MSH6: variants seen among roughly 807,000 people sequenced by gnomAD.
MSH6 encodes DNA mismatch repair protein Msh6.
In MSH6, 85 loss-of-function variants were observed where a neutral mutation model predicts 119.1. The ratio of observed to expected loss-of-function variants is 0.71; its 90% CI spans 0.60 to 0.85. The LOEUF (loss-of-function observed/expected upper bound fraction) is 0.85. MSH6 is among the 40% of genes least tolerant of loss of function. The probability of loss-of-function intolerance (pLI) is 0.00; values close to 1 mark genes in which losing one functional copy is unlikely to be tolerated. For missense variants in MSH6, 2,163 were observed against 1,655.3 expected (o/e 1.31, Z -5.32); for synonymous variants, 830 against 586.9 (o/e 1.41, Z -5.99).
In MSH6 at chr2:47,788,906, C is replaced by CTTTTTTTTTTTTTTTTTTTTTTT. The variant is rs1491155839; in HGVS notation, c.261-2021_261-2020insTTTTTTTTTTTTTTTTTTTTTTT. ...GCTATTTCTTTCTTTCTTTCTTCTT[C>CTTTTTTTTTTTTTTTTTTTTTTT]CTTTTTTTTTTTTTTGTTTTTTTTT... On this transcript the variant is annotated intron_variant, in intron 1 of 9. Transcript: ENST00000234420. Among the ~76,000 whole-genome samples the CTTTTTTTTTTTTTTTTTTTTTTT allele has an allele frequency of 1.3e-3, 20 of 15,818 alleles. 2 individuals carry two copies. Among genetic ancestry groups the CTTTTTTTTTTTTTTTTTTTTTTT allele is most frequent in the East Asian group, 3.8e-3 (3 of 796 alleles). The allele number at this position is 15,818 out of a possible 152,430, so 10.4% of individuals were successfully genotyped here. A position where few individuals can be genotyped will look rare whatever the true frequency, so the allele number is the denominator to read the frequency against.
rs75095286 is a variant in MSH6, at chr2:47,805,647, G to C, written c.3586G>C (p.Glu1196Gln). ...AAGTACATTTTTTGTTGAATTAAGT[G>C]AAACTGCCAGCATACTCATGCATGC... is the stretch of plus-strand genomic sequence containing the variant. ...GESTFFVELS[E>Q]TASILMHATA... The change falls in exon 7 of 10, where the codon GAA becomes CAA. Residue 1196 changes from glutamate (E) to glutamine (Q), a missense_variant. Transcript: ENST00000234420. 3 of 1,611,682 alleles carry C rather than the reference G, an allele frequency of 1.9e-6. No individual in the cohort carries two copies. In the African/African-American group the frequency reaches 4.0e-5, roughly 22 times the overall value.
In MSH6 at chr2:47,788,551, C is replaced by CCTTTTT. The variant is rs1160353451; in HGVS notation, c.261-2357_261-2352dup. ...TACAGGCGTGAGCCACCGTGCCCAGCCTTTTTCTTTTTCTTTTTCTTTTTT... is the reference window on the plus strand; with the variant it reads ...TACAGGCGTGAGCCACCGTGCCCAGCCTTTTTCTTTTTCTTTTTCTTTTTCTTTTTT... On this transcript the variant is annotated intron_variant, in intron 1 of 9. Coordinates refer to ENST00000234420, the MANE Select transcript of MSH6 (RefSeq NM_000179.3). 1.7e-3 allele frequency among the ~76,000 whole-genome samples: 243 copies of CCTTTTT among 145,826 alleles called. 1 individual carries two copies. Among genetic ancestry groups the CCTTTTT allele is most frequent in the Non-Finnish European group, 3.1e-3 (209 of 66,800 alleles).
rs201996928 is a variant in MSH6 at position 47,799,601 on chromosome 2, C to G, written c.1618C>G (p.Leu540Val). 2.5e-6 allele frequency: 4 copies of G among 1,614,148 alleles called. No homozygotes were observed. Among genetic ancestry groups the G allele is most frequent in the Non-Finnish European group, 2.5e-6 (3 of 1,180,020 alleles). ...CTCTGAGAACTACAGTAAGTATCTT[C>G]TTAGCCTCAAAGAAAAAGAGGAAGA... ...DPSENYSKYL[L>V]SLKEKEEDSS... is the part of the protein sequence containing the mutation. The change falls in exon 4 of 10, where the codon CTT (leucine) becomes GTT (valine). Residue 540 changes from leucine to valine, a missense_variant. Coordinates refer to ENST00000234420, the MANE Select transcript of MSH6 (RefSeq NM_000179.3).
rs1296495546 is a variant in MSH6 at position 47,785,296 on chromosome 2, C to T, written c.260+1803C>T. Among the ~76,000 whole-genome samples, 7 of 152,254 alleles carry T rather than the reference C, an allele frequency of 4.6e-5. No individual in the cohort carries two copies. In the South Asian group the frequency reaches 6.2e-4, roughly 14 times the overall value. ...AGGCTGGAGTGCTGTGGCGCTTTCT[C>T]GGCTCACTGCAACCTCTGCCCGCCG... On this transcript the variant is annotated intron_variant, in intron 1 of 9. Transcript: ENST00000234420.
rs926963007 is a variant in MSH6, at chr2:47,802,825, CAG to C, written c.3173-591_3173-590del. 8.5e-5 allele frequency among the ~76,000 whole-genome samples: 13 copies of C among 152,206 alleles called. No homozygotes were observed. The South Asian group carries it at 1.7e-3, about 19-fold the overall frequency. Reference sequence around the variant, plus strand: ...GCACAGGTGTTCAAAAACCAGTCTTCAGAGATTGTTTTCATATCAGTGTGCCA... The same window carrying C: ...GCACAGGTGTTCAAAAACCAGTCTTCAGATTGTTTTCATATCAGTGTGCCA... On this transcript the variant is annotated intron_variant, in intron 4 of 9. Transcript: ENST00000234420.
rs1057524297 is a variant in MSH6 at position 47,800,047 on chromosome 2, C to T, written c.2064C>T (p.Val688=). The T allele has an allele frequency of 1.2e-6, 2 of 1,614,092 alleles. No homozygotes were observed. Among genetic ancestry groups the T allele is most frequent in the Non-Finnish European group, 1.7e-6 (2 of 1,180,018 alleles). Residue 688 remains valine (V), a synonymous_variant, in exon 4 of 10, where the codon GTC becomes GTT. Coordinates refer to ENST00000234420, the MANE Select transcript of MSH6 (RefSeq NM_000179.3). ...CCCTCTCTGCTCTAGGTGGTTGTGTCTTCTACCTCAAAAAATGCCTTATTG... is the reference window on the plus strand; with the variant it reads ...CCCTCTCTGCTCTAGGTGGTTGTGTTTTCTACCTCAAAAAATGCCTTATTG... ...ELALSALGGC[V]FYLKKCLIDQ... is the part of the protein sequence containing the mutation.
At chr2:47,809,966 G>A (rs1670501947), downstream of MSH6, 3 of 492,576 alleles carry the variant, frequency 6.1e-6, no homozygotes, top group East Asian at 3.4e-5. Context: ...GATTTCATTT[G>A]CATCCATTTT....
At chr2:47,783,932 G>A in intron 1 of MSH6, 1 of 1,028,688 alleles carries the variant, frequency 9.7e-7, no homozygotes, top group South Asian at 4.6e-5. Flanking sequence ...AAGGAGGAAT[G>A]CCTGCGGGAG....
At chr2:47,805,749 A>AAAC (rs780467328) in intron 7 of MSH6, 42 bp downstream of exon 7, 13 of 1,336,268 alleles carry the variant, frequency 9.7e-6, no homozygotes, top group Non-Finnish European at 1.4e-5. Context: ...TCTATCTTAA[A>AAAC]AACATTTGTA....
rs370516657 is a variant in MSH6 at position 47,795,858 on chromosome 2, C to G, written c.458-36C>G. ...GGATTACAGGCGTGAGCCTCTGCAC[C>G]CGGCCCTTATTGTTTATAAATACAT... On this transcript the variant is annotated intron_variant, in intron 2 of 9. Transcript: ENST00000234420. 165 of 1,597,426 alleles carry G rather than the reference C, an allele frequency of 1.0e-4. No homozygotes were observed. The African/African-American group carries it at 2.0e-3, about 19-fold the overall frequency.
In MSH6 at chr2:47,800,883, TAGTC is replaced by T. The variant is rs1669525867; in HGVS notation, c.2901_2904del (p.Val968IlefsTer28). The T allele has an allele frequency of 6.2e-7, 1 of 1,611,664 alleles. No individual in the cohort carries two copies. The highest frequency in any genetic ancestry group is 8.5e-7 in the Non-Finnish European group (1 of 1,179,154). Reference sequence around the variant, plus strand: ...CGCAACAGAATTGGCTGTAGGACCATAGTCTATTGGGGGATTGGTAGGAACCGTT... The same window carrying T: ...CGCAACAGAATTGGCTGTAGGACCATTATTGGGGGATTGGTAGGAACCGTT... On this transcript the variant is annotated frameshift_variant, in exon 4 of 10. Transcript: ENST00000234420. LOFTEE classifies it high-confidence loss of function.
rs76270921 is a variant in MSH6 at position 47,786,710 on chromosome 2, T to C, written c.260+3217T>C. ...CTTCTTGTGCTGAAGTGTTTGTCTT[T>C]TGCTGTTTCTTTTTTTTTTCCTAGT... On this transcript the variant is annotated intron_variant, in intron 1 of 9. Coordinates refer to ENST00000234420, the MANE Select transcript of MSH6 (RefSeq NM_000179.3). Among the ~76,000 whole-genome samples, 1,219 of 149,812 alleles carry C rather than the reference T, an allele frequency of 8.1e-3. 13 individuals carry two copies. Among genetic ancestry groups the C allele is most frequent in the African/African-American group, 0.028 (1,158 of 41,106 alleles).
In MSH6 at chr2:47,800,780, T is replaced by C. The variant is rs1553414155; in HGVS notation, c.2797T>C (p.Phe933Leu). The C allele has an allele frequency of 1.2e-6, 2 of 1,614,148 alleles. No homozygotes were observed. The highest frequency in any genetic ancestry group is 1.7e-6 in the Non-Finnish European group (2 of 1,180,026). The change falls in exon 4 of 10, where the codon TTT becomes CTT. Residue 933 changes from phenylalanine (F) to leucine (L), a missense_variant. Phe to Leu is a conservative substitution (Grantham distance 22, BLOSUM62 0). Transcript: ENST00000234420. ...TGGACTTATTACTCCCAAAGCAGGCTTTGACTCTGATTATGACCAAGCTCT... is the reference window on the plus strand; with the variant it reads ...TGGACTTATTACTCCCAAAGCAGGCCTTGACTCTGATTATGACCAAGCTCT... Reference protein sequence around the residue: ...KTGLITPKAGFDSDYDQALAD... With the variant: ...KTGLITPKAGLDSDYDQALAD...
In MSH6 at chr2:47,788,935, T is replaced by TG. The variant is rs1668554973; in HGVS notation, c.261-1992_261-1991insG. ...TTTTTTTTTTTTGTTTTTTTTTTTTTTTTTTTTTTTTTGTGAGACGGAGTC... is the reference window on the plus strand; with the variant it reads ...TTTTTTTTTTTTGTTTTTTTTTTTTTGTTTTTTTTTTTTGTGAGACGGAGTC... On this transcript the variant is annotated intron_variant, in intron 1 of 9. Coordinates refer to ENST00000234420, the MANE Select transcript of MSH6 (RefSeq NM_000179.3). Among the ~76,000 whole-genome samples, 7 of 96,676 alleles carry TG rather than the reference T, an allele frequency of 7.2e-5. No homozygotes were observed. In the East Asian group the frequency reaches 1.5e-3, roughly 20 times the overall value. 63.4% of individuals were successfully genotyped at this position (96,676 alleles called of 152,430 possible).
intron 5 of MSH6, 75 bp from the exon 6 acceptor site, chr2:47,804,835 G>C (rs768392898): frequency 6.1e-5 from 67 of 1,098,144 alleles, no homozygotes; most frequent in Admixed American, 1.2e-4. Flanking sequence ...CTTACGTAAG[G>C]GTTCATAAGA....
chr2:47,806,836 G>A lies in MSH6; in HGVS notation c.4059G>A (p.Leu1353=), dbSNP rs1553334048. The part of the protein sequence containing the change: ...STVDAEAVHK[L]LTLIKEL ...TAGATGCTGAAGCTGTCCATAAATTGCTGACTTTGATTAAGGAATTATAGA... is the reference window on the plus strand; with the variant it reads ...TAGATGCTGAAGCTGTCCATAAATTACTGACTTTGATTAAGGAATTATAGA... Residue 1353 remains leucine (L), a synonymous_variant, in exon 10 of 10, where the codon TTG becomes TTA. Transcript: ENST00000234420. The A allele has an allele frequency of 1.2e-5, 19 of 1,610,658 alleles. No individual in the cohort carries two copies. Among genetic ancestry groups the A allele is most frequent in the Non-Finnish European group, 1.6e-5 (19 of 1,178,850 alleles).
At chr2:47,783,882 C>T (rs3136233) in intron 1 of MSH6, 3 of 960,250 alleles carry the variant, frequency 3.1e-6, no homozygotes, top group Non-Finnish European at 3.7e-6. Context: ...GGAAGGCGCC[C>T]GGCCCACTTG....
intron 1 of MSH6, among the ~76,000 whole-genome samples, chr2:47,787,244 T>A (rs1668401693): frequency 6.6e-6 from 1 of 152,080 alleles, no homozygotes; most frequent in Non-Finnish European, 1.5e-5. Context: ...AGCCAAGAGA[T>A]CATGCCATGC....
chr2:47,808,672 A>C (rs1321114392), downstream of MSH6: 2 of 397,578 alleles, frequency 5.0e-6, no homozygotes, highest in East Asian at 7.9e-5. Flanking sequence ...CCACTTTAAA[A>C]GCCTCTCAAA....
Sources: allele counts gnomAD v4.1 joint callset (sites outside exome capture counted in the v4.1 genomes callset), GRCh38; gene constraint gnomAD v4.1.1; transcripts MANE v1.5; gene names NCBI Gene and HGNC (gene_info 2026-07-23, HGNC 2026-07-21).